The following ARSG variants were observed in gnomAD, a reference collection of about 807,000 sequenced individuals.
ARSG encodes the protein ASG.
In ARSG, 37 loss-of-function variants were observed where a neutral mutation model predicts 50.5. That is an observed-to-expected ratio of 0.73 (90% CI 0.56 to 0.96). The LOEUF is 0.96. ARSG is among the 50% of genes least tolerant of loss of function. The probability of loss-of-function intolerance (pLI) is 0.00; values close to 1 mark genes in which losing one functional copy is unlikely to be tolerated. For missense variants in ARSG, 629 were observed against 675.3 expected, an observed-to-expected ratio of 0.93 and a Z score of 0.76; for synonymous variants, 225 against 254.6, an observed-to-expected ratio of 0.88 and a Z score of 1.11.
intron 1 of ARSG, among the ~76,000 whole-genome samples, chr17:68,284,639 T>C (rs1211679241): frequency 6.6e-6 from 1 of 152,194 alleles, no homozygotes; most frequent in Non-Finnish European, 1.5e-5. Context: ...TAAAATCTAA[T>C]GTTCTGAATT....
At chr17:68,425,853 G>A (rs2083133608), downstream of ARSG, 1 of 475,830 alleles carries the variant, frequency 2.1e-6, no homozygotes, top group Non-Finnish European at 3.7e-6. Flanking sequence ...AGTATTCGGT[G>A]ACTCTAATGC....
chr17:68,362,264 G>A (rs1218365480), intron 6 of ARSG, among the ~76,000 whole-genome samples: 1 of 151,324 alleles, frequency 6.6e-6, no homozygotes, highest in Non-Finnish European at 1.5e-5. Context: ...GCTCCCACCC[G>A]ACACCAACCT....
At chr17:68,355,385 T>C (rs2078984354) in intron 5 of ARSG, among the ~76,000 whole-genome samples, 1 of 152,102 alleles carries the variant, frequency 6.6e-6, no homozygotes, top group Non-Finnish European at 1.5e-5. Context: ...TGAGATGGAG[T>C]TTTGCTCTTG....
At chr17:68,278,547 A>G (rs2075595927) in intron 1 of ARSG, among the ~76,000 whole-genome samples, 1 of 150,992 alleles carries the variant, frequency 6.6e-6, no homozygotes, top group African/African-American at 2.4e-5. Flanking sequence ...CAATTCTCCT[A>G]CGTCAGCCTC....
chr17:68,349,136 A>C (rs2078640466), intron 4 of ARSG, among the ~76,000 whole-genome samples: 1 of 151,960 alleles, frequency 6.6e-6, no homozygotes, highest in Non-Finnish European at 1.5e-5. Flanking sequence ...GTCTCTACTA[A>C]AAAAATAAAA....
intron 1 of ARSG, among the ~76,000 whole-genome samples, chr17:68,292,722 C>A (rs1182667431): frequency 6.6e-6 from 1 of 152,064 alleles, no homozygotes; most frequent in Non-Finnish European, 1.5e-5. Flanking sequence ...GTTCTCTCAC[C>A]ATTTTGGGAT....
At chr17:68,313,320 C>T (rs911800938) in intron 2 of ARSG, among the ~76,000 whole-genome samples, 1 of 152,052 alleles carries the variant, frequency 6.6e-6, no homozygotes, top group African/African-American at 2.4e-5. Context: ...TTCGGAGAGC[C>T]AGAAGTCCAA....
At position 68,368,566 on chromosome 17, in the gene ARSG, C is replaced by G. The variant is rs761398056; in HGVS notation, c.723C>G (p.Phe241Leu). 8 of 1,613,986 alleles carry G rather than the reference C, an allele frequency of 5.0e-6. No homozygotes were observed. Among genetic ancestry groups the G allele is most frequent in the Non-Finnish European group, 6.8e-6 (8 of 1,180,004 alleles). Residue 241 changes from phenylalanine to leucine, a missense_variant, in exon 7 of 12, where the codon TTC becomes TTG. By Grantham distance (22) the Phe-to-Leu change is conservative. Coordinates refer to ENST00000621439, the MANE Select transcript of ARSG (RefSeq NM_001267727.2). ...IQRASTSGRP[F>L]LLYVALAHMH... The stretch of plus-strand genomic sequence containing the variant: ...GTTTCAGCACCAGCGGGAGGCCCTT[C>G]CTGCTCTATGTGGCTCTGGCCCACA...
chr17:68,311,352 G>A (rs781833584), intron 2 of ARSG, among the ~76,000 whole-genome samples: 9 of 152,088 alleles, frequency 5.9e-5, no homozygotes, highest in African/African-American at 1.7e-4. Context: ...GAAAGCTTTC[G>A]TGGATGCCTC....
intron 1 of ARSG, among the ~76,000 whole-genome samples, chr17:68,281,552 T>C (rs2075697301): frequency 6.6e-6 from 1 of 152,056 alleles, no homozygotes; most frequent in South Asian, 2.1e-4. Flanking sequence ...TCCAGCCTGG[T>C]GACACAGCGA....
chr17:68,305,371 T>C (rs2145553998), intron 1 of ARSG, among the ~76,000 whole-genome samples: 1 of 152,336 alleles, frequency 6.6e-6, no homozygotes, highest in East Asian at 1.9e-4. Context: ...CATGATGTTT[T>C]TGTTTTCCAG....
chr17:68,342,526 T>A (rs990100444), intron 2 of ARSG, among the ~76,000 whole-genome samples: 13 of 151,734 alleles, frequency 8.6e-5, no homozygotes, highest in African/African-American at 2.9e-4. Context: ...GCTAATTTTT[T>A]AAAAAATATT....
intron 2 of ARSG, among the ~76,000 whole-genome samples, chr17:68,309,080 A>C (rs1555765650): frequency 6.6e-6 from 1 of 152,250 alleles, no homozygotes; most frequent in Non-Finnish European, 1.5e-5. Context: ...AGGCTCGGTG[A>C]GAAATCGAGT....
chr17:68,271,648 A>G lies in ARSG; in HGVS notation c.-552+12222A>G. On this transcript the variant is annotated intron_variant, in intron 1 of 11. Coordinates refer to the ARSG transcript ENST00000448504. This position sits in a 1 kb window ranked among gnomAD's most constrained non-coding sequence, Gnocchi z 5.3. ...CCAGCCAATGCGCTCCTTCAGAGCC[A>G]TGATTGCTTGAATAGGCAGGAGTGA... 6.2e-7 allele frequency: 1 copy of G among 1,610,890 alleles called. No homozygotes were observed. Among genetic ancestry groups the G allele is most frequent in the Non-Finnish European group, 8.5e-7 (1 of 1,177,350 alleles).
At position 68,351,649 on chromosome 17, in the gene ARSG, C is replaced by T. The variant is rs150020444; in HGVS notation, c.529C>T (p.Pro177Ser). The T allele has an allele frequency of 5.6e-4, 909 of 1,613,886 alleles. 4 individuals are homozygous for T. The highest frequency in any genetic ancestry group is 1.7e-3 in the Admixed American group (101 of 60,012). ...CTDTPGYNHP[P>S]CPACPQGDGP... ...TGATACTCCAGGCTACAACCACCCTCCTTGTCCAGCGTGTCCACAGGGTGA... is the reference window on the plus strand; with the variant it reads ...TGATACTCCAGGCTACAACCACCCTTCTTGTCCAGCGTGTCCACAGGGTGA... The change falls in exon 5 of 12, where the codon CCT becomes TCT. Residue 177 changes from proline to serine, a missense_variant. Physicochemically the swap from Pro to Ser is moderately conservative, Grantham distance 74. Coordinates refer to ENST00000621439, the MANE Select transcript of ARSG (RefSeq NM_001267727.2).
intron 11 of ARSG, among the ~76,000 whole-genome samples, chr17:68,408,169 A>G (rs2081823232): frequency 6.6e-6 from 1 of 151,984 alleles, no homozygotes; most frequent in South Asian, 2.1e-4. Flanking sequence ...ACATGCGCAC[A>G]ATGTGCAGGT....
At chr17:68,347,047 GTGT>G in intron 3 of ARSG, 75 bp from the exon 4 acceptor site, 1 of 1,565,028 alleles carries the variant, frequency 6.4e-7, no homozygotes, top group Non-Finnish European at 8.8e-7. Context: ...GGAGAGCTGA[GTGT>G]GTGATCAGCT....
intron 8 of ARSG, among the ~76,000 whole-genome samples, chr17:68,373,296 C>T (rs1202955685): frequency 2.0e-5 from 3 of 150,116 alleles, no homozygotes; most frequent in Non-Finnish European, 4.4e-5. Flanking sequence ...ATGGCATGAT[C>T]TCGGCTCACT....
chr17:68,370,268 G>A (rs992633442), intron 7 of ARSG, among the ~76,000 whole-genome samples, 176 bp from the exon 8 acceptor site: 11 of 152,098 alleles, frequency 7.2e-5, no homozygotes, highest in African/African-American at 9.7e-5. Flanking sequence ...GCTTGCCTCC[G>A]CCTCCCAAAG....
Sources: gnomAD v4.1 joint callset for allele counts (sites outside exome capture counted in the v4.1 genomes callset) on GRCh38, gnomAD v4.1.1 for gene constraint, Gnocchi (gnomAD v3.1) non-coding constraint, MANE v1.5 for transcripts, NCBI Gene and HGNC (gene_info 2026-07-23, HGNC 2026-07-21) for gene names.